ASPRV1: variants seen among roughly 807,000 people sequenced by gnomAD.
ASPRV1 encodes aspartic peptidase retroviral like 1, also known as retroviral-like aspartic protease 1.
In ASPRV1, 7 loss-of-function variants were observed where a neutral mutation model predicts 11.0. That is an observed-to-expected ratio of 0.64 (90% CI 0.36 to 1.20). The LOEUF is 1.20. Among genes scored for constraint, ASPRV1 ranks in the 50% most tolerant of loss-of-function variants. ASPRV1 has a pLI of 0.02. For synonymous variants in ASPRV1, 136 were observed against 138.4 expected (o/e 0.98, Z 0.12); for missense variants, 299 against 320.0 (o/e 0.93, Z 0.50).
chr2:69,933,471 T>G, the ASPRV1 span, among the ~76,000 whole-genome samples: 3 of 150,556 alleles, frequency 2.0e-5, no homozygotes, highest in Admixed American at 2.0e-4. Flanking sequence ...CTCTGCCACA[T>G]GGACAGGTTT....
At chr2:70,078,659 A>G in the ASPRV1 span, among the ~76,000 whole-genome samples, 1 of 152,350 alleles carries the variant, frequency 6.6e-6, no homozygotes, top group East Asian at 1.9e-4. Context: ...TGGCTACAGC[A>G]CAAGGGGAAG....
the ASPRV1 span, among the ~76,000 whole-genome samples, chr2:70,060,499 AATAC>A: frequency 1.3e-5 from 2 of 152,164 alleles, no homozygotes; most frequent in Non-Finnish European, 2.9e-5. Context: ...CAAAGGCAAC[AATAC>A]ATACAAAGGG....
chr2:70,041,906 T>C, the ASPRV1 span, among the ~76,000 whole-genome samples: 2 of 152,184 alleles, frequency 1.3e-5, no homozygotes, highest in South Asian at 4.1e-4. Flanking sequence ...ATTAGAGCTA[T>C]CCTTATGCAG....
At chr2:70,068,946 CAA>C in the ASPRV1 span, among the ~76,000 whole-genome samples, 90 of 59,060 alleles carry the variant, frequency 1.5e-3, no homozygotes, top group African/African-American at 4.1e-3. Flanking sequence ...ACTCTTGTCT[CAA>C]AAAAAAAAAA....
the ASPRV1 span, among the ~76,000 whole-genome samples, chr2:69,943,485 G>T: frequency 6.6e-6 from 1 of 152,300 alleles, no homozygotes; most frequent in African/African-American, 2.4e-5. Context: ...CAGGTGCTCA[G>T]GCAGAGTCCA....
the ASPRV1 span, among the ~76,000 whole-genome samples, chr2:70,068,299 G>A: frequency 6.6e-6 from 1 of 152,234 alleles, no homozygotes; most frequent in Non-Finnish European, 1.5e-5. Context: ...GGAGTGCTGA[G>A]GAATGGGGCT....
chr2:70,065,081 C>T, the ASPRV1 span, among the ~76,000 whole-genome samples: 2 of 151,430 alleles, frequency 1.3e-5, no homozygotes, highest in Admixed American at 6.6e-5. Context: ...GGCAACAGAG[C>T]CAGACTCCAT....
At position 69,961,559 on chromosome 2, in the gene ASPRV1, C is replaced by T. The variant is rs751626551; in HGVS notation, c.-123G>A. 31 of 1,613,978 alleles carry T rather than the reference C, an allele frequency of 1.9e-5. No individual in the cohort carries two copies. In the Middle Eastern group the frequency reaches 4.9e-4, roughly 26 times the overall value. ...CGAAGCAGAGTGGGGATGACTTGCC[C>T]GGCCTTGGGCAAGCAGGAGGGAGCA... On this transcript the variant is annotated 5_prime_UTR_variant, in exon 1 of 1. Transcript: ENST00000320256.
chr2:70,063,733 C>A, the ASPRV1 span, among the ~76,000 whole-genome samples: 1 of 152,160 alleles, frequency 6.6e-6, no homozygotes, highest in Non-Finnish European at 1.5e-5. Flanking sequence ...AAGTAATATA[C>A]ACTCTCACTC....
the ASPRV1 span, among the ~76,000 whole-genome samples, chr2:69,944,485 G>A: frequency 1.3e-5 from 2 of 152,220 alleles, no homozygotes; most frequent in Non-Finnish European, 2.9e-5. Context: ...TAAGGAAGCT[G>A]AGGGAGAGAG....
the ASPRV1 span, among the ~76,000 whole-genome samples, chr2:69,943,934 G>A: frequency 1.3e-5 from 2 of 152,346 alleles, no homozygotes; most frequent in East Asian, 3.9e-4. Context: ...ATTTTTGAAA[G>A]GTTTTTAAGT....
downstream of ASPRV1, among the ~76,000 whole-genome samples, chr2:69,956,885 T>C (rs1677952536): frequency 6.6e-6 from 1 of 152,068 alleles, no homozygotes; most frequent in Non-Finnish European, 1.5e-5. Context: ...CAACTGAACA[T>C]CAGATTCAGC....
the ASPRV1 span, among the ~76,000 whole-genome samples, chr2:69,948,731 C>T: frequency 2.6e-5 from 4 of 152,254 alleles, no homozygotes; most frequent in African/African-American, 7.2e-5. Context: ...GGCCACCGGA[C>T]CCCACGGAAG....
the ASPRV1 span, among the ~76,000 whole-genome samples, chr2:70,036,437 G>T: frequency 6.6e-6 from 1 of 152,004 alleles, no homozygotes; most frequent in East Asian, 1.9e-4. Context: ...AGCGTGGGCG[G>T]GTGGGATTAT....
the ASPRV1 span, among the ~76,000 whole-genome samples, chr2:69,947,947 A>G: frequency 2.0e-5 from 3 of 152,090 alleles, no homozygotes; most frequent in Non-Finnish European, 4.4e-5. Context: ...AAGGAATGCC[A>G]CCCTTTCTCC....
chr2:69,950,884 TA>T, the ASPRV1 span, among the ~76,000 whole-genome samples: 1 of 143,756 alleles, frequency 7.0e-6, no homozygotes, highest in Non-Finnish European at 1.5e-5. Context: ...AATAAATAAA[TA>T]AATAATAAAA....
the ASPRV1 span, among the ~76,000 whole-genome samples, chr2:70,072,489 G>A: frequency 5.6e-3 from 847 of 150,380 alleles, 7 homozygotes; most frequent in Middle Eastern, 0.022. Context: ...TTGGGAGGCC[G>A]AGGCGGGAGG....
At chr2:70,074,653 G>C in the ASPRV1 span, among the ~76,000 whole-genome samples, 1 of 151,926 alleles carries the variant, frequency 6.6e-6, no homozygotes, top group Non-Finnish European at 1.5e-5. Context: ...TGGTGGCAGG[G>C]TCAAGTCAAG....
At chr2:70,067,261 T>C in the ASPRV1 span, among the ~76,000 whole-genome samples, 9 of 151,786 alleles carry the variant, frequency 5.9e-5, no homozygotes, top group African/African-American at 1.9e-4. Context: ...ATTACTGGGT[T>C]TGGGGCTTTA....
Sources: gnomAD v4.1 joint callset for allele counts (sites outside exome capture counted in the v4.1 genomes callset) on GRCh38, gnomAD v4.1.1 for gene constraint, MANE v1.5 for transcripts, NCBI Gene and HGNC (gene_info 2026-07-23, HGNC 2026-07-21) for gene names.